PID1: variants seen among roughly 807,000 people sequenced by gnomAD.
PID1 encodes the protein phosphotyrosine interaction domain containing 1.
PID1 carries 10 observed loss-of-function variants against 19.1 expected under a neutral mutation model. The ratio of observed to expected loss-of-function variants is 0.52; its 90% CI spans 0.32 to 0.89. The LOEUF (loss-of-function observed/expected upper bound fraction) is 0.89. Among genes scored for constraint, PID1 ranks in the 40% least tolerant of loss-of-function variants. PID1 has a pLI of 0.03. For missense variants in PID1, 248 were observed against 285.3 expected, an observed-to-expected ratio of 0.87 and a Z score of 0.94; for synonymous variants, 130 against 116.0, an observed-to-expected ratio of 1.12 and a Z score of -0.78.
At chr2:229,264,968 C>T (rs896762804) in intron 1 of PID1, among the ~76,000 whole-genome samples, 1 of 152,184 alleles carries the variant, frequency 6.6e-6, no homozygotes, top group African/African-American at 2.4e-5. Flanking sequence ...TTAAGAAGTG[C>T]TTCTGTTTAT....
chr2:229,200,997 C>T (rs1691487877), intron 1 of PID1, among the ~76,000 whole-genome samples: 1 of 151,974 alleles, frequency 6.6e-6, no homozygotes, highest in Admixed American at 6.6e-5. Flanking sequence ...GCTTCGATAC[C>T]ATGAAGCCTC....
intron 2 of PID1, among the ~76,000 whole-genome samples, chr2:229,133,849 T>C (rs992129273): frequency 6.6e-6 from 1 of 152,142 alleles, no homozygotes; most frequent in Non-Finnish European, 1.5e-5. Flanking sequence ...TTGTTACATA[T>C]GTATACATGT....
intron 2 of PID1, among the ~76,000 whole-genome samples, chr2:229,052,099 C>G (rs939133905): frequency 1.3e-5 from 2 of 152,132 alleles, no homozygotes; most frequent in Non-Finnish European, 2.9e-5. Flanking sequence ...ATAGTTGACG[C>G]CCTCCACTTC....
At chr2:229,063,902 GTTT>G (rs568828473) in intron 2 of PID1, among the ~76,000 whole-genome samples, 1 of 151,934 alleles carries the variant, frequency 6.6e-6, no homozygotes, top group African/African-American at 2.4e-5. Flanking sequence ...TCTTTTTACA[GTTT>G]TTTTGTTAGG....
intron 1 of PID1, among the ~76,000 whole-genome samples, chr2:229,165,266 C>T (rs1165622478): frequency 3.9e-5 from 6 of 152,022 alleles, no homozygotes; most frequent in African/African-American, 1.5e-4. Flanking sequence ...ATCCAGTATC[C>T]AATAAGGTAA....
chr2:229,046,687 A>T (rs1172158157), intron 2 of PID1, among the ~76,000 whole-genome samples: 2 of 152,178 alleles, frequency 1.3e-5, no homozygotes, highest in African/African-American at 2.4e-5. Context: ...TGAGGTTTTT[A>T]TTCTTCAGAC....
rs139887459 is a variant in PID1, at chr2:229,152,296, G to A, written c.177+3522C>T. On this transcript the variant is annotated intron_variant, in intron 2 of 2. Transcript: ENST00000392055. ...CAAAATTTCTGGGAAGAAGGTCCAGGAGTCTGCTTGCCAGGGGATTCTGAT... is the reference window on the plus strand; with the variant it reads ...CAAAATTTCTGGGAAGAAGGTCCAGAAGTCTGCTTGCCAGGGGATTCTGAT... Among the ~76,000 whole-genome samples, 361 of 152,296 alleles carry A rather than the reference G, an allele frequency of 2.4e-3. 2 individuals carry two copies. Among genetic ancestry groups the A allele is most frequent in the African/African-American group, 8.3e-3 (347 of 41,564 alleles).
At chr2:229,096,468 G>A (rs1193210912) in intron 2 of PID1, among the ~76,000 whole-genome samples, 1 of 152,120 alleles carries the variant, frequency 6.6e-6, no homozygotes, top group Non-Finnish European at 1.5e-5. Context: ...TAGTAAAGAT[G>A]TCTCCGTTTC....
At chr2:229,167,495 A>G (rs1690623822) in intron 1 of PID1, among the ~76,000 whole-genome samples, 1 of 152,138 alleles carries the variant, frequency 6.6e-6, no homozygotes, top group South Asian at 2.1e-4. Context: ...ACAAACCCAA[A>G]CTGAGAGACA....
Position 229,089,282 on chromosome 2 carries a change from C to T in PID1, c.178-63174G>A, listed in dbSNP as rs1292438385. On this transcript the variant is annotated intron_variant, in intron 2 of 2. Coordinates refer to ENST00000392055, the MANE Select transcript of PID1 (RefSeq NM_001100818.2). Reference sequence around the variant, plus strand: ...ATTTAAAGGTGTCTGAAAACACTGGCTTATTTATAAACTTTGAAAGGCAGT... The same window carrying T: ...ATTTAAAGGTGTCTGAAAACACTGGTTTATTTATAAACTTTGAAAGGCAGT... Among the ~76,000 whole-genome samples the T allele has an allele frequency of 2.0e-5, 3 of 152,144 alleles. No homozygotes were observed. In the South Asian group the frequency reaches 6.2e-4, roughly 32 times the overall value.
chr2:229,241,828 T>G (rs1213299378), intron 1 of PID1, among the ~76,000 whole-genome samples: 1 of 152,138 alleles, frequency 6.6e-6, no homozygotes, highest in Non-Finnish European at 1.5e-5. Flanking sequence ...AAAACTCACA[T>G]ATAACAAAAT....
At chr2:229,245,824 T>G (rs1689987420) in intron 1 of PID1, among the ~76,000 whole-genome samples, 1 of 152,154 alleles carries the variant, frequency 6.6e-6, no homozygotes, top group Non-Finnish European at 1.5e-5. Context: ...GGGCTAAAAC[T>G]TCCCTGAAAA....
intron 2 of PID1, among the ~76,000 whole-genome samples, chr2:229,151,714 G>A (rs1690257595): frequency 3.3e-5 from 5 of 152,142 alleles, no homozygotes; most frequent in South Asian, 2.1e-4. Context: ...GCGACGACAG[G>A]TGCCCACCAC....
At chr2:229,179,241 C>T (rs2106216960) in intron 1 of PID1, among the ~76,000 whole-genome samples, 1 of 152,216 alleles carries the variant, frequency 6.6e-6, no homozygotes, top group South Asian at 2.1e-4. Flanking sequence ...CAAAGAATGG[C>T]CAGTCCTCGC....
intron 1 of PID1, among the ~76,000 whole-genome samples, chr2:229,229,852 A>C (rs923910438): frequency 1.3e-5 from 2 of 152,202 alleles, no homozygotes; most frequent in Non-Finnish European, 2.9e-5. Flanking sequence ...TCTTTGCTTC[A>C]TGTACCCTAC....
chr2:229,059,557 C>A (rs1694169459), intron 2 of PID1, among the ~76,000 whole-genome samples: 1 of 152,150 alleles, frequency 6.6e-6, no homozygotes. Flanking sequence ...GCCACCATGG[C>A]TTGAACCCAA....
intron 2 of PID1, among the ~76,000 whole-genome samples, chr2:229,058,965 G>A (rs1694157888): frequency 6.6e-6 from 1 of 152,160 alleles, no homozygotes. Flanking sequence ...CCTGTTAGGG[G>A]AAGAACACTA....
chr2:229,090,776 T>C (rs1421592624), intron 2 of PID1, among the ~76,000 whole-genome samples: 1 of 152,218 alleles, frequency 6.6e-6, no homozygotes, highest in African/African-American at 2.4e-5. Flanking sequence ...CATTCACGCA[T>C]GCATTCATTA....
intron 2 of PID1, among the ~76,000 whole-genome samples, chr2:229,052,259 C>T (rs898381008): frequency 2.6e-5 from 4 of 152,048 alleles, no homozygotes; most frequent in East Asian, 3.9e-4. Context: ...AAAGTACAAA[C>T]TACAAATCAT....
Sources: allele counts gnomAD v4.1 joint callset (sites outside exome capture counted in the v4.1 genomes callset), GRCh38; gene constraint gnomAD v4.1.1; transcripts MANE v1.5; gene names NCBI Gene and HGNC (gene_info 2026-07-23, HGNC 2026-07-21).